SPATA6L: variants seen among roughly 807,000 people sequenced by gnomAD.
SPATA6L encodes spermatogenesis associated 6 like, also known as spermatogenesis associated 6-like protein.
Under a neutral mutation model 49.2 loss-of-function variants are expected in SPATA6L, and 68 were observed. That is an observed-to-expected ratio of 1.38 (90% CI 1.14 to 1.69). The LOEUF is 1.69. SPATA6L is among the 40% of genes most tolerant of loss of function. The pLI is 0.00. For synonymous variants in SPATA6L, 198 were observed against 165.7 expected, an observed-to-expected ratio of 1.19 and a Z score of -1.50; for missense variants, 668 against 464.3, an observed-to-expected ratio of 1.44 and a Z score of -4.03.
intron 9 of SPATA6L, among the ~76,000 whole-genome samples, chr9:4,613,063 AC>A (rs1388499510): frequency 1.3e-5 from 2 of 151,978 alleles, no homozygotes; most frequent in South Asian, 2.1e-4. Flanking sequence ...CCCCATCTCT[AC>A]TAAAATACAA....
chr9:4,625,159 G>T, intron 6 of SPATA6L, 168 bp downstream of exon 6: 1 of 1,277,860 alleles, frequency 7.8e-7, no homozygotes, highest in Admixed American at 3.2e-5. Context: ...GGGGTTTCCT[G>T]ACAACGATCT....
chr9:4,664,705 T>C (rs888401881), intron 1 of SPATA6L: 1 of 167,088 alleles, frequency 6.0e-6, no homozygotes, highest in Admixed American at 6.5e-5. Context: ...ATAGAAATGA[T>C]TATGGACTTT....
rs1482330393 is a variant in SPATA6L at position 4,625,490 on chromosome 9, T to C, written c.506A>G (p.Lys169Arg). The C allele has an allele frequency of 5.0e-6, 8 of 1,613,978 alleles. No homozygotes were observed. In the African/African-American group the frequency reaches 8.0e-5, roughly 16 times the overall value. ...PIFPLNTIKM[K>R]LKENNLNRLP... Reference sequence around the variant, plus strand: ...TCTGTTGAGATTATTCTCCTTTAGTTTCATCTTTATAGTATTTAAGGGAAA... The same window carrying C: ...TCTGTTGAGATTATTCTCCTTTAGTCTCATCTTTATAGTATTTAAGGGAAA... Residue 169 changes from lysine (K) to arginine (R), a missense_variant, in exon 6 of 12, where the codon AAA becomes AGA. Transcript: ENST00000682582.
chr9:4,656,947 C>G (rs190830094), intron 2 of SPATA6L, among the ~76,000 whole-genome samples: 33 of 150,762 alleles, frequency 2.2e-4, no homozygotes, highest in Middle Eastern at 3.4e-3. Context: ...AGCAGCTACA[C>G]TCCCATAGAA....
At chr9:4,603,374 G>C (rs1033884882) in intron 11 of SPATA6L, among the ~76,000 whole-genome samples, 1 of 152,146 alleles carries the variant, frequency 6.6e-6, no homozygotes, top group African/African-American at 2.4e-5. Context: ...AGGTTGCAGT[G>C]AACCAAGATT....
rs111309852 is a variant in SPATA6L, at chr9:4,619,761, G to T, written c.773-863C>A. ...GAGAAATATAGAACATAGCAAAAAT[G>T]GAAATCACTATCATGACCATAAATG... On this transcript the variant is annotated intron_variant, in intron 7 of 11. Transcript: ENST00000682582. 5.1e-3 allele frequency among the ~76,000 whole-genome samples: 779 copies of T among 152,128 alleles called. 9 individuals carry two copies. Among genetic ancestry groups the T allele is most frequent in the African/African-American group, 0.018 (745 of 41,490 alleles).
rs1830642007 is a variant in SPATA6L, at chr9:4,627,858, TAA to T, written c.429+1231_429+1232del. 39 of 1,237,366 alleles carry T rather than the reference TAA, an allele frequency of 3.2e-5. No homozygotes were observed. In the Admixed American group the frequency reaches 7.8e-4, roughly 25 times the overall value. 76.6% of individuals were successfully genotyped at this position (1,237,366 alleles called of 1,614,324 possible). ...CAATAGCCAAGATTTGGAATCAACC[TAA>T]GTGTCCATCAACAGATGAATGGATA... On this transcript the variant is annotated intron_variant, in intron 5 of 11. Coordinates refer to ENST00000682582, the MANE Select transcript of SPATA6L (RefSeq NM_001353486.2).
intron 3 of SPATA6L, among the ~76,000 whole-genome samples, chr9:4,645,515 G>T (rs1194352700): frequency 6.6e-6 from 1 of 152,130 alleles, no homozygotes; most frequent in Admixed American, 6.5e-5. Flanking sequence ...GAGCATGCTA[G>T]CTCAGGTCTC....
At position 4,644,276 on chromosome 9, in the gene SPATA6L, G is replaced by A. The variant is rs145346770; in HGVS notation, c.227-8877C>T. Among the ~76,000 whole-genome samples the A allele has an allele frequency of 6.6e-3, 976 of 148,890 alleles. 12 individuals carry two copies. Among genetic ancestry groups the A allele is most frequent in the African/African-American group, 0.023 (927 of 40,550 alleles). Reference sequence around the variant, plus strand: ...CAGCTACTGGGAGGCTGAGGCAGGAGAACTGCTCAAGCCCAGGAGGTCATA... The same window carrying A: ...CAGCTACTGGGAGGCTGAGGCAGGAAAACTGCTCAAGCCCAGGAGGTCATA... On this transcript the variant is annotated intron_variant, in intron 3 of 11. Coordinates refer to ENST00000682582, the MANE Select transcript of SPATA6L (RefSeq NM_001353486.2).
intron 2 of SPATA6L, among the ~76,000 whole-genome samples, chr9:4,658,871 A>C (rs1838922390): frequency 6.7e-6 from 1 of 150,214 alleles, no homozygotes; most frequent in African/African-American, 2.5e-5. Context: ...AGATCCCTGA[A>C]CCTGGGAGGC....
At chr9:4,632,092 T>G (rs1454045366) in intron 4 of SPATA6L, among the ~76,000 whole-genome samples, 1 of 140,348 alleles carries the variant, frequency 7.1e-6, no homozygotes, top group East Asian at 2.2e-4. Flanking sequence ...CAGGCTGGAG[T>G]GCAGTGGCAT....
intron 9 of SPATA6L, among the ~76,000 whole-genome samples, chr9:4,615,096 C>T (rs1400266186): frequency 6.6e-6 from 1 of 152,132 alleles, no homozygotes; most frequent in Non-Finnish European, 1.5e-5. Context: ...CCATCACTCA[C>T]CTCTATGAAC....
intron 9 of SPATA6L, among the ~76,000 whole-genome samples, chr9:4,611,711 G>C (rs1476189106): frequency 6.6e-6 from 1 of 151,338 alleles, no homozygotes; most frequent in African/African-American, 2.4e-5. Flanking sequence ...TGACGAGTTA[G>C]TGGGTGCAGC....
In SPATA6L at chr9:4,625,546, C is replaced by T. The variant is rs12338523; in HGVS notation, c.450G>A (p.Arg150=). Residue 150 remains arginine, a synonymous_variant, in exon 6 of 12, where the codon CGG becomes CGA. Transcript: ENST00000682582. Reference sequence around the variant, plus strand: ...GTTCATGTGATGTAGATAAAGGCCTCCGTGACTCATGTCTTTCTTCCTGAA... The same window carrying T: ...GTTCATGTGATGTAGATAAAGGCCTTCGTGACTCATGTCTTTCTTCCTGAA... The part of the protein sequence containing the change: ...NRFLEERHES[R]RPLSTSHEPI... 3,858 of 1,554,144 alleles carry T rather than the reference C, an allele frequency of 2.5e-3. 68 individuals are homozygous for T. In the African/African-American group the frequency reaches 0.039, roughly 16 times the overall value.
chr9:4,651,662 C>T (rs1271092461), intron 3 of SPATA6L, among the ~76,000 whole-genome samples: 2 of 149,780 alleles, frequency 1.3e-5, no homozygotes, highest in Non-Finnish European at 3.0e-5. Flanking sequence ...GGTTTAATAT[C>T]TAAAAATCAC....
At chr9:4,591,403 T>G (rs1440239230) in intron 13 of SPATA6L, among the ~76,000 whole-genome samples, 3 of 152,224 alleles carry the variant, frequency 2.0e-5, no homozygotes, top group African/African-American at 7.2e-5. Flanking sequence ...TTTTCCAAAA[T>G]GAATCCGAGG....
At chr9:4,660,424 T>C (rs1009647118) in intron 2 of SPATA6L, among the ~76,000 whole-genome samples, 1 of 152,082 alleles carries the variant, frequency 6.6e-6, no homozygotes, top group Admixed American at 6.5e-5. Context: ...AACAGACACA[T>C]GAAAAAATAC....
At chr9:4,628,811 A>C in intron 5 of SPATA6L, 1 of 305,066 alleles carries the variant, frequency 3.3e-6, no homozygotes, top group Non-Finnish European at 6.0e-6. Flanking sequence ...AACAATAACA[A>C]AAGCTAATTA....
chr9:4,612,192 C>G (rs1384890470), intron 9 of SPATA6L, among the ~76,000 whole-genome samples: 1 of 152,040 alleles, frequency 6.6e-6, no homozygotes, highest in Admixed American at 6.5e-5. Context: ...CCAGGCTGGT[C>G]TCAAACTTTT....
Sources: gnomAD v4.1 joint callset for allele counts (sites outside exome capture counted in the v4.1 genomes callset) on GRCh38, gnomAD v4.1.1 for gene constraint, MANE v1.5 for transcripts, NCBI Gene and HGNC (gene_info 2026-07-23, HGNC 2026-07-21) for gene names.